SRRM4: variants seen among roughly 807,000 people sequenced by gnomAD.
SRRM4 encodes serine/arginine repetitive matrix 4, also known as serine/arginine repetitive matrix protein 4.
SRRM4 carries 33 observed loss-of-function variants against 68.9 expected under a neutral mutation model. That is an observed-to-expected ratio of 0.48 (90% CI 0.36 to 0.64). The LOEUF (loss-of-function observed/expected upper bound fraction) is 0.64. Ranked by LOEUF, SRRM4 falls within the 30% of genes least tolerant of loss-of-function variation. SRRM4 has a pLI of 0.00. For missense variants in SRRM4, 817 were observed against 827.1 expected, an observed-to-expected ratio of 0.99 and a Z score of 0.15; for synonymous variants, 318 against 318.8, an observed-to-expected ratio of 1.00 and a Z score of 0.03.
chr12:119,002,445 G>A (rs978196532), intron 1 of SRRM4, among the ~76,000 whole-genome samples: 2 of 152,136 alleles, frequency 1.3e-5, no homozygotes, highest in Non-Finnish European at 2.9e-5. Context: ...GTGAGGGTAT[G>A]GGATGGATTC....
Position 119,159,617 on chromosome 12 carries a change from T to C in SRRM4, c.*2819T>C, listed in dbSNP as rs1175490705. The stretch of plus-strand genomic sequence containing the variant: ...AGGAATTGAGCTGACTGAGGGAAGA[T>C]GCACCTTGATCTCACCCTCACTCCA... On this transcript the variant is annotated 3_prime_UTR_variant, in exon 13 of 13. Transcript: ENST00000267260. 2 of 152,126 alleles carry C rather than the reference T, an allele frequency of 1.3e-5. No homozygotes were observed. Among genetic ancestry groups the C allele is most frequent in the Non-Finnish European group, 1.5e-5 (1 of 68,038 alleles). The allele number at this position is 152,126 out of a possible 1,614,324, so 9.4% of individuals were successfully genotyped here.
In SRRM4 at chr12:119,101,492, T is replaced by C. The variant is rs140331505; in HGVS notation, c.132-744T>C. On this transcript the variant is annotated intron_variant, in intron 1 of 12. Coordinates refer to ENST00000267260, the MANE Select transcript of SRRM4 (RefSeq NM_194286.4). Reference sequence around the variant, plus strand: ...CCAATTAAGGACATCAGATTGGAGATTTGGTTTACAAGGAAGTAAAACCAA... The same window carrying C: ...CCAATTAAGGACATCAGATTGGAGACTTGGTTTACAAGGAAGTAAAACCAA... Among the ~76,000 whole-genome samples the C allele has an allele frequency of 3.8e-3, 580 of 152,126 alleles. 6 individuals are homozygous for C. Among genetic ancestry groups the C allele is most frequent in the African/African-American group, 0.013 (559 of 41,516 alleles).
chr12:119,147,252 G>A (rs1896140), intron 9 of SRRM4, among the ~76,000 whole-genome samples: 30,490 of 152,130 alleles, frequency 0.2, 3,366 homozygotes, highest in African/African-American at 0.29. Flanking sequence ...ATGACATTCT[G>A]GAAAAGGCAA....
intron 1 of SRRM4, among the ~76,000 whole-genome samples, chr12:119,025,435 T>TG (rs1248060214): frequency 1.3e-5 from 2 of 151,180 alleles, no homozygotes; most frequent in Non-Finnish European, 3.0e-5. Flanking sequence ...GGAGTTTTTT[T>TG]TTTTGTTTGT....
In SRRM4 at chr12:119,153,633, C is replaced by G. The variant is rs868801553; in HGVS notation, c.1375C>G (p.Arg459Gly). The G allele has an allele frequency of 1.3e-6, 2 of 1,557,628 alleles. No homozygotes were observed. Among genetic ancestry groups the G allele is most frequent in the Non-Finnish European group, 1.7e-6 (2 of 1,152,534 alleles). Residue 459 changes from arginine (R) to glycine (G), a missense_variant, in exon 11 of 13, where the codon CGC becomes GGC. By Grantham distance (125) the Arg-to-Gly change is moderately radical. Transcript: ENST00000267260. ...GTCCCGCCGCAGCCCTAGCTACTCC[C>G]GCTACAGCCCCAGCAGGTACCGGCC... ...SRSRRSPSYS[R>G]YSPSRERDPK...
chr12:119,104,336 G>C (rs910892082), intron 2 of SRRM4, among the ~76,000 whole-genome samples: 51 of 152,136 alleles, frequency 3.4e-4, no homozygotes, highest in African/African-American at 1.2e-3. Context: ...TTGTAGAGCT[G>C]TTGTACTCTA....
At chr12:119,088,700 A>G (rs1185461627) in intron 1 of SRRM4, among the ~76,000 whole-genome samples, 2 of 152,008 alleles carry the variant, frequency 1.3e-5, no homozygotes, top group Admixed American at 6.6e-5. Context: ...GTGGGGGGCC[A>G]CAAAAGGAGG....
chr12:119,118,752 G>T (rs1954198677), intron 4 of SRRM4, among the ~76,000 whole-genome samples: 2 of 152,152 alleles, frequency 1.3e-5, no homozygotes, highest in Admixed American at 1.3e-4. Context: ...CCCATATTTG[G>T]GCTCTGGAAG....
intron 1 of SRRM4, among the ~76,000 whole-genome samples, chr12:119,025,432 T>G (rs976311151): frequency 1.4e-5 from 2 of 145,280 alleles, no homozygotes; most frequent in African/African-American, 5.1e-5. Flanking sequence ...TATGGAGTTT[T>G]TTTTTTTGTT....
intron 1 of SRRM4, among the ~76,000 whole-genome samples, chr12:119,023,708 T>A (rs1384148942): frequency 6.6e-6 from 1 of 152,212 alleles, no homozygotes; most frequent in Non-Finnish European, 1.5e-5. Context: ...CTATCCAAGG[T>A]CTTGAATGAT....
intron 1 of SRRM4, among the ~76,000 whole-genome samples, chr12:118,982,779 A>G (rs914177771): frequency 1.8e-4 from 28 of 151,370 alleles, no homozygotes; most frequent in Non-Finnish European, 4.0e-4. Context: ...GGAAGGAAGA[A>G]TAAGGGAAGA....
intron 2 of SRRM4, among the ~76,000 whole-genome samples, chr12:119,110,723 T>C (rs1290783032): frequency 6.6e-6 from 1 of 152,184 alleles, no homozygotes; most frequent in Non-Finnish European, 1.5e-5. Flanking sequence ...GTACCCTCTG[T>C]CACGGCTTCC....
chr12:119,052,148 T>G (rs1953747126), intron 1 of SRRM4, among the ~76,000 whole-genome samples: 1 of 152,214 alleles, frequency 6.6e-6, no homozygotes, highest in South Asian at 2.1e-4. Flanking sequence ...GCCCAATTCA[T>G]CTGCTTGATG....
At chr12:119,028,401 T>A (rs1953563002) in intron 1 of SRRM4, among the ~76,000 whole-genome samples, 1 of 152,114 alleles carries the variant, frequency 6.6e-6, no homozygotes, top group Admixed American at 6.5e-5. Flanking sequence ...CGTGCTAGTC[T>A]CATGATAGTG....
chr12:119,046,895 C>T (rs1054937801), intron 1 of SRRM4, among the ~76,000 whole-genome samples: 5 of 151,920 alleles, frequency 3.3e-5, no homozygotes, highest in South Asian at 2.1e-4. Context: ...AGCCAAGCAT[C>T]GTGGCAGACA....
At chr12:119,073,896 T>A (rs1021086684) in intron 1 of SRRM4, among the ~76,000 whole-genome samples, 19 of 152,210 alleles carry the variant, frequency 1.2e-4, no homozygotes, top group Admixed American at 3.3e-4. Flanking sequence ...CCTCCCAAAG[T>A]GCTGGGATTA....
chr12:119,155,333 C>T (rs1954465198), intron 12 of SRRM4, among the ~76,000 whole-genome samples: 1 of 152,196 alleles, frequency 6.6e-6, no homozygotes. Flanking sequence ...GCCACTCAGT[C>T]CAGACACTGG....
Position 118,981,621 on chromosome 12 carries a change from G to A in SRRM4, c.-262G>A. On this transcript the variant is annotated 5_prime_UTR_variant, in exon 1 of 13. Transcript: ENST00000267260. ...AGCCAGCCCTCCCTTCCCTTCTTGGGGCGCAGAGGCTCAGCCAGCTCAGAG... is the reference window on the plus strand; with the variant it reads ...AGCCAGCCCTCCCTTCCCTTCTTGGAGCGCAGAGGCTCAGCCAGCTCAGAG... 1 of 413,262 alleles carries A rather than the reference G, an allele frequency of 2.4e-6. No individual in the cohort carries two copies. Among genetic ancestry groups the A allele is most frequent in the Admixed American group, 4.1e-5 (1 of 24,306 alleles). 25.6% of individuals were successfully genotyped at this position (413,262 alleles called of 1,614,324 possible). A position where few individuals can be genotyped will look rare whatever the true frequency, so the allele number is the denominator to read the frequency against.
intron 8 of SRRM4, among the ~76,000 whole-genome samples, chr12:119,142,656 C>G (rs1180079847): frequency 6.6e-6 from 1 of 152,202 alleles, no homozygotes; most frequent in Non-Finnish European, 1.5e-5. Flanking sequence ...GGCCCCTGTC[C>G]TTGAGTTCTT....
Sources: gnomAD v4.1 joint callset for allele counts (sites outside exome capture counted in the v4.1 genomes callset) on GRCh38, gnomAD v4.1.1 for gene constraint, MANE v1.5 for transcripts, NCBI Gene and HGNC (gene_info 2026-07-23, HGNC 2026-07-21) for gene names.